Variants in RIPOR3 observed in about 807,000 individuals in gnomAD.
RIPOR3 encodes RIPOR family member 3, also known as family with sequence similarity 65 member C.
Under a neutral mutation model 114.3 loss-of-function variants are expected in RIPOR3, and 95 were observed. The observed-to-expected ratio is 0.83, with a 90% CI of 0.70 to 0.99. RIPOR3 has a LOEUF of 0.99. Ranked by LOEUF, RIPOR3 falls within the 50% of genes least tolerant of loss-of-function variation. The pLI, the probability that RIPOR3 is intolerant of heterozygous loss-of-function variation, is 0.00. For synonymous variants in RIPOR3, 575 were observed against 543.8 expected, an observed-to-expected ratio of 1.06 and a Z score of -0.80; for missense variants, 1,252 against 1,266.9, an observed-to-expected ratio of 0.99 and a Z score of 0.18.
In RIPOR3 at chr20:50,608,925, C is replaced by A; in HGVS notation, c.671G>T (p.Gly224Val). The change falls in exon 9 of 22, where the codon GGA (glycine) becomes GTA (valine). Residue 224 changes from glycine to valine, a missense_variant. Gly to Val is a moderately radical substitution (Grantham distance 109). Coordinates refer to ENST00000327979, the MANE Select transcript of RIPOR3 (RefSeq NM_001290268.2). ...GAGTGGCCGTACCTCATAGTGGTCT[C>A]CGGGACAGAGGCGTGCGTAGCCCAC... The part of the protein sequence containing the change: ...GLVGYARLCP[G>V]DHYEVLMRLG... 6.3e-7 allele frequency: 1 copy of A among 1,593,046 alleles called. No individual in the cohort carries two copies. Among genetic ancestry groups the A allele is most frequent in the African/African-American group, 1.3e-5 (1 of 74,866 alleles).
intron 1 of RIPOR3, among the ~76,000 whole-genome samples, chr20:50,634,109 G>A (rs944604779): frequency 9.9e-5 from 15 of 151,084 alleles, no homozygotes; most frequent in African/African-American, 2.9e-4. Context: ...AGCCTTTCAC[G>A]TGGCTGGGAC....
intron 8 of RIPOR3, 76 bp from the exon 9 acceptor site, chr20:50,609,031 T>C (rs995155309): frequency 2.6e-6 from 4 of 1,537,306 alleles, no homozygotes; most frequent in Admixed American, 3.9e-5. Context: ...CTCTCTGGGG[T>C]TCCCCCGAGT....
chr20:50,691,001 C>G, intron 1 of RIPOR3, 125 bp downstream of exon 1: 1 of 1,216,586 alleles, frequency 8.2e-7, no homozygotes, highest in Non-Finnish European at 1.1e-6. Context: ...TTCCCTCCTC[C>G]GGCCTTGGGA....
At chr20:50,634,619 T>C (rs573634361) in intron 1 of RIPOR3, among the ~76,000 whole-genome samples, 26 of 152,352 alleles carry the variant, frequency 1.7e-4, no homozygotes, top group African/African-American at 6.0e-4. Flanking sequence ...CTGCTTCCCC[T>C]ACTTCACCAG....
intron 14 of RIPOR3, 162 bp downstream of exon 14, chr20:50,597,418 G>T: frequency 9.6e-7 from 1 of 1,039,796 alleles, no homozygotes; most frequent in Non-Finnish European, 1.4e-6. Flanking sequence ...GCAAGTGGGG[G>T]ATGTGCGGGG....
chr20:50,641,609 C>T (rs6091191), intron 1 of RIPOR3, among the ~76,000 whole-genome samples: 31,032 of 152,160 alleles, frequency 0.2, 3,528 homozygotes, highest in African/African-American at 0.31. Flanking sequence ...AGTCATAGCA[C>T]GGCCCTGCCC....
In RIPOR3 at chr20:50,595,329, G is replaced by A. The variant is rs201044339; in HGVS notation, c.2050+40C>T. On this transcript the variant is annotated intron_variant, in intron 16 of 21. Transcript: ENST00000327979. The stretch of plus-strand genomic sequence containing the variant: ...CGAGCTTTGATCCCGTCCCCGTGCC[G>A]CTCACATAGGCAGCCCCTGGGTGGC... 164 of 1,600,266 alleles carry A rather than the reference G, an allele frequency of 1.0e-4. 1 individual carries two copies. The highest frequency in any genetic ancestry group is 5.5e-4 in the Middle Eastern group (3 of 5,418).
At chr20:50,638,140 A>G (rs548504083) in intron 1 of RIPOR3, among the ~76,000 whole-genome samples, 8 of 152,320 alleles carry the variant, frequency 5.3e-5, no homozygotes, top group African/African-American at 1.4e-4. Context: ...CATCCTCCAG[A>G]ACCACCTGGA....
chr20:50,598,071 C>T (rs1469646502), intron 13 of RIPOR3, among the ~76,000 whole-genome samples: 1 of 152,234 alleles, frequency 6.6e-6, no homozygotes, highest in Non-Finnish European at 1.5e-5. Flanking sequence ...TAAGAGGGGG[C>T]CACGCTCATA....
At chr20:50,634,895 T>C (rs936303146) in intron 1 of RIPOR3, among the ~76,000 whole-genome samples, 9 of 152,098 alleles carry the variant, frequency 5.9e-5, no homozygotes, top group African/African-American at 2.2e-4. Flanking sequence ...TAGCCGGGCG[T>C]GGTGGCGCAT....
At position 50,616,017 on chromosome 20, in the gene RIPOR3, C is replaced by T. The variant is rs143733501; in HGVS notation, c.333G>A (p.Arg111=). The change falls in exon 4 of 22, where the codon AGG becomes AGA. Residue 111 remains arginine (R), a synonymous_variant. Coordinates refer to ENST00000327979, the MANE Select transcript of RIPOR3 (RefSeq NM_001290268.2). The part of the protein sequence containing the change: ...DHLSGRHKDT[R]RNSRLAFYYD... ...GGGGTCTCACCAGCCTGGAATTCCT[C>T]CTGGTGTCTTTGTGGCGTCCAGACA... 123 of 1,609,314 alleles carry T rather than the reference C, an allele frequency of 7.6e-5. No homozygotes were observed. Among genetic ancestry groups the T allele is most frequent in the Admixed American group, 2.4e-4 (14 of 59,306 alleles).
chr20:50,586,330 T>C lies in RIPOR3; in HGVS notation c.*902A>G, dbSNP rs2082922711. Reference sequence around the variant, plus strand: ...ACAGACATCTCAGGACATGGTTTGCTTTTTTTTAAGACTTAAATAGGAAAC... The same window carrying C: ...ACAGACATCTCAGGACATGGTTTGCCTTTTTTTAAGACTTAAATAGGAAAC... On this transcript the variant is annotated 3_prime_UTR_variant, in exon 22 of 22. Coordinates refer to ENST00000327979, the MANE Select transcript of RIPOR3 (RefSeq NM_001290268.2). 6.6e-6 allele frequency: 1 copy of C among 152,114 alleles called. No homozygotes were observed. Among genetic ancestry groups the C allele is most frequent in the African/African-American group, 2.4e-5 (1 of 41,318 alleles). 9.4% of individuals were successfully genotyped at this position (152,114 alleles called of 1,614,324 possible). A position where few individuals can be genotyped will look rare whatever the true frequency, so the allele number is the denominator to read the frequency against.
chr20:50,663,675 C>G (rs1375642745), intron 1 of RIPOR3, among the ~76,000 whole-genome samples: 4 of 152,132 alleles, frequency 2.6e-5, no homozygotes, highest in Non-Finnish European at 5.9e-5. Context: ...CACCTATTTT[C>G]TCCCCTTCAT....
In RIPOR3 at chr20:50,596,255, C is replaced by T. The variant is rs766461315; in HGVS notation, c.1799G>A (p.Arg600Gln). 4.6e-5 allele frequency: 74 copies of T among 1,613,954 alleles called. No homozygotes were observed. The Middle Eastern group carries it at 8.2e-4, about 18-fold the overall frequency. ...CAGTGATGACGGTGGGGGCAGGGGCCGGTCCTTTCTGAGTTGAATTGAGAA... is the reference window on the plus strand; with the variant it reads ...CAGTGATGACGGTGGGGGCAGGGGCTGGTCCTTTCTGAGTTGAATTGAGAA... ...FGGSQGLRKD[R>Q]PLPPPSSLKA... The change falls in exon 15 of 22, where the codon CGG becomes CAG. Residue 600 changes from arginine (R) to glutamine (Q), a missense_variant. Transcript: ENST00000327979.
chr20:50,590,606 T>C (rs1305847325), intron 19 of RIPOR3, among the ~76,000 whole-genome samples: 4 of 152,102 alleles, frequency 2.6e-5, no homozygotes, highest in African/African-American at 9.7e-5. Context: ...GTCCTCCCGC[T>C]CCTCCTACAC....
At chr20:50,619,846 T>C (rs2084330413) in intron 3 of RIPOR3, 140 bp downstream of exon 3, 1 of 1,165,480 alleles carries the variant, frequency 8.6e-7, no homozygotes, top group Non-Finnish European at 1.2e-6. Flanking sequence ...CCTGACATAC[T>C]TGCTTACTAA....
chr20:50,679,376 C>T (rs2086788298), intron 1 of RIPOR3, among the ~76,000 whole-genome samples: 1 of 150,056 alleles, frequency 6.7e-6, no homozygotes, highest in South Asian at 2.1e-4. Flanking sequence ...GGCACGGTGG[C>T]TCACACCTGT....
intron 1 of RIPOR3, among the ~76,000 whole-genome samples, chr20:50,680,786 G>A (rs925975585): frequency 3.9e-5 from 6 of 152,216 alleles, no homozygotes; most frequent in East Asian, 1.9e-4. Context: ...TTTGGCTTTT[G>A]TTGGGTCGGG....
intron 1 of RIPOR3, among the ~76,000 whole-genome samples, chr20:50,690,812 A>G (rs2087187284): frequency 1.3e-5 from 2 of 152,182 alleles, no homozygotes; most frequent in African/African-American, 4.8e-5. Flanking sequence ...AAAAATGCCT[A>G]CACAGTGCCT....
Sources: gnomAD v4.1 joint callset for allele counts (sites outside exome capture counted in the v4.1 genomes callset) on GRCh38, gnomAD v4.1.1 for gene constraint, MANE v1.5 for transcripts, NCBI Gene and HGNC (gene_info 2026-07-23, HGNC 2026-07-21) for gene names.